RUNX1T1: variants seen among roughly 807,000 people sequenced by gnomAD.
The protein encoded by RUNX1T1 is RUNX1 partner transcriptional co-repressor 1, also known as protein CBFA2T1.
A neutral mutation model predicts 62.8 loss-of-function variants in RUNX1T1; 4 were observed. The ratio of observed to expected loss-of-function variants is 0.06; its 90% CI spans 0.03 to 0.15. RUNX1T1 has a LOEUF of 0.15. Among genes scored for constraint, RUNX1T1 ranks in the 10% least tolerant of loss-of-function variants. The pLI is 1.00. For synonymous variants in RUNX1T1, 291 were observed against 286.0 expected, an observed-to-expected ratio of 1.02 and a Z score of -0.18; for missense variants, 508 against 754.3, an observed-to-expected ratio of 0.67 and a Z score of 3.82.
intron 1 of RUNX1T1, among the ~76,000 whole-genome samples, chr8:92,060,927 G>A (rs897464223): frequency 2.0e-5 from 3 of 151,446 alleles, no homozygotes; most frequent in Non-Finnish European, 4.4e-5. Flanking sequence ...GTTGATGAGA[G>A]AGAGAGAGAG....
intron 5 of RUNX1T1, among the ~76,000 whole-genome samples, chr8:91,998,470 G>A (rs1485013347): frequency 1.3e-5 from 2 of 152,112 alleles, no homozygotes; most frequent in Admixed American, 1.3e-4. Context: ...AGAACTTTCT[G>A]AGCAGTGTGC....
At chr8:92,043,389 G>A (rs1828811451) in intron 1 of RUNX1T1, among the ~76,000 whole-genome samples, 1 of 151,146 alleles carries the variant, frequency 6.6e-6, no homozygotes, top group African/African-American at 2.4e-5. Context: ...AACCAAAAAA[G>A]TATATATACT....
intron 10 of RUNX1T1, among the ~76,000 whole-genome samples, chr8:91,964,057 GAC>G (rs1811086195): frequency 6.6e-6 from 1 of 152,126 alleles, no homozygotes; most frequent in East Asian, 1.9e-4. Flanking sequence ...GTTAGGTTGT[GAC>G]TCAGATGAAG....
intron 1 of RUNX1T1, among the ~76,000 whole-genome samples, chr8:92,029,373 G>A (rs969606791): frequency 6.6e-6 from 1 of 152,142 alleles, no homozygotes; most frequent in Admixed American, 6.5e-5. Flanking sequence ...TAGAACACAG[G>A]CATTCAGTAT....
At chr8:92,086,311 T>G (rs1836107478) in intron 1 of RUNX1T1, among the ~76,000 whole-genome samples, 1 of 152,188 alleles carries the variant, frequency 6.6e-6, no homozygotes, top group Admixed American at 6.5e-5. Context: ...TGTTTGAAAT[T>G]TATAAAGCAG....
downstream of RUNX1T1, chr8:91,958,728 CAAAAAA>C (rs34044770): frequency 6.9e-5 from 9 of 130,202 alleles, no homozygotes; most frequent in Non-Finnish European, 6.3e-5. Flanking sequence ...AGAATTTGCT[CAAAAAA>C]AAAAAAAAAA....
intron 5 of RUNX1T1, 75 bp from the exon 7 acceptor site, chr8:91,991,964 G>A: frequency 2.0e-6 from 3 of 1,495,260 alleles, no homozygotes; most frequent in Non-Finnish European, 1.8e-6. Context: ...TCATATTTGA[G>A]CTTGGAATAA....
At chr8:92,010,323 G>T (rs1004783158) in intron 4 of RUNX1T1, 4 of 152,192 alleles carry the variant, frequency 2.6e-5, no homozygotes, top group African/African-American at 9.7e-5. Flanking sequence ...AAGTAAAAGG[G>T]ATCTTAGTAA....
chr8:92,060,922 T>TATGAGAGA (rs375387661), intron 1 of RUNX1T1, among the ~76,000 whole-genome samples: 1 of 146,418 alleles, frequency 6.8e-6, no homozygotes, highest in Admixed American at 6.9e-5. Flanking sequence ...ACACAGTTGA[T>TATGAGAGA]GAGAGAGAGA....
chr8:92,034,394 C>G (rs915895297), intron 1 of RUNX1T1, among the ~76,000 whole-genome samples: 10 of 152,138 alleles, frequency 6.6e-5, no homozygotes, highest in African/African-American at 2.4e-4. Flanking sequence ...CAAAATGGAA[C>G]CCACCCCATA....
chr8:91,976,152 C>G, intron 8 of RUNX1T1, 179 bp from the exon 10 acceptor site: 2 of 551,770 alleles, frequency 3.6e-6, no homozygotes, highest in Middle Eastern at 5.0e-4. Context: ...GGCCTGTCAT[C>G]AGAGCCCAAG....
intron 1 of RUNX1T1, among the ~76,000 whole-genome samples, chr8:92,023,366 AC>A (rs1296760879): frequency 6.6e-6 from 1 of 152,204 alleles, no homozygotes; most frequent in Admixed American, 6.5e-5. Flanking sequence ...AAAGATGACC[AC>A]CCTGAAAACA....
intron 10 of RUNX1T1, among the ~76,000 whole-genome samples, chr8:91,967,848 A>T (rs527430790): frequency 6.6e-6 from 1 of 152,312 alleles, no homozygotes; most frequent in African/African-American, 2.4e-5. Flanking sequence ...TGTTTACAAT[A>T]GGTGGTGGCT....
chr8:92,019,937 G>A (rs561971304), intron 1 of RUNX1T1, among the ~76,000 whole-genome samples: 1 of 152,114 alleles, frequency 6.6e-6, no homozygotes, highest in East Asian at 1.9e-4. Context: ...CAATGTATAG[G>A]AAACACCACT....
downstream of RUNX1T1, chr8:91,955,829 G>A (rs1809280060): frequency 4.4e-6 from 1 of 227,626 alleles, no homozygotes; most frequent in Non-Finnish European, 8.7e-6. Flanking sequence ...AGCATTCACA[G>A]GGTAGGGGAG....
chr8:91,977,101 T>C (rs578222586), intron 8 of RUNX1T1: 83 of 194,364 alleles, frequency 4.3e-4, no homozygotes, highest in African/African-American at 1.7e-3. Context: ...TAAGTATATG[T>C]TGTTACATTT....
chr8:92,009,107 C>T (rs1453849767), intron 4 of RUNX1T1, among the ~76,000 whole-genome samples: 2 of 152,146 alleles, frequency 1.3e-5, no homozygotes, highest in Non-Finnish European at 2.9e-5. Context: ...AAGAGGCTTC[C>T]ACACGTGGTA....
intron 4 of RUNX1T1, chr8:92,005,711 C>T (rs930050493): frequency 6.5e-6 from 1 of 154,802 alleles, no homozygotes. Context: ...GTTTCCCTGA[C>T]ACACTCAATT....
intron 10 of RUNX1T1, among the ~76,000 whole-genome samples, chr8:91,969,558 T>C (rs1000750595): frequency 6.6e-6 from 1 of 152,228 alleles, no homozygotes; most frequent in Non-Finnish European, 1.5e-5. Context: ...TCTAGTTTAA[T>C]TGAACAATGG....
Sources: allele counts gnomAD v4.1 joint callset (sites outside exome capture counted in the v4.1 genomes callset), GRCh38; gene constraint gnomAD v4.1.1; transcripts MANE v1.5; gene names NCBI Gene and HGNC (gene_info 2026-07-23, HGNC 2026-07-21).